Variants in CLVS1 observed in about 807,000 individuals in gnomAD.
The protein encoded by CLVS1 is clavesin-1.
In CLVS1, 10 loss-of-function variants were observed where a neutral mutation model predicts 33.1. The observed-to-expected ratio is 0.30, with a 90% CI of 0.19 to 0.51. The LOEUF is 0.51. Among genes scored for constraint, CLVS1 ranks in the 20% least tolerant of loss-of-function variants. The pLI is 0.97. For synonymous variants in CLVS1, 163 were observed against 166.1 expected, an observed-to-expected ratio of 0.98 and a Z score of 0.14; for missense variants, 343 against 433.4, an observed-to-expected ratio of 0.79 and a Z score of 1.85.
chr8:61,400,727 G>A (rs1260890690), intron 3 of CLVS1, among the ~76,000 whole-genome samples: 1 of 152,126 alleles, frequency 6.6e-6, no homozygotes, highest in Non-Finnish European at 1.5e-5. Context: ...AGTTTATTGA[G>A]AGTTGTTAAC....
chr8:61,197,077 C>T (rs1353234751), intron 2 of CLVS1, among the ~76,000 whole-genome samples: 1 of 152,212 alleles, frequency 6.6e-6, no homozygotes, highest in Non-Finnish European at 1.5e-5. Context: ...TGTCCTCAGG[C>T]ATGAGGCATC....
rs555610859 is a variant in CLVS1, at chr8:61,158,807, A to T, written c.-152+26947A>T. On this transcript the variant is annotated intron_variant, in intron 2 of 2. Coordinates refer to the CLVS1 transcript ENST00000522621. ...GGACATGATATACAGTAATAAAATA[A>T]TTCTCTTTTCTTTTTAAAATGTAGA... 2.0e-5 allele frequency among the ~76,000 whole-genome samples: 3 copies of T among 152,330 alleles called. No homozygotes were observed. The South Asian group carries it at 6.2e-4, about 32-fold the overall frequency.
chr8:61,093,497 C>T (rs1238601867), intron 1 of CLVS1, among the ~76,000 whole-genome samples: 3 of 152,108 alleles, frequency 2.0e-5, no homozygotes, highest in Non-Finnish European at 2.9e-5. Context: ...CAAAAAAACC[C>T]CAAAAGTCAT....
In CLVS1 at chr8:61,101,889, C is replaced by T. The variant is rs540932060; in HGVS notation, c.-242-29881C>T. 6.6e-5 allele frequency among the ~76,000 whole-genome samples: 10 copies of T among 151,406 alleles called. No homozygotes were observed. The East Asian group carries it at 1.9e-3, about 29-fold the overall frequency. On this transcript the variant is annotated intron_variant, in intron 1 of 2. Coordinates refer to the CLVS1 transcript ENST00000522621. ...TTCTTTTATCATTTAGTCTTGAGGT[C>T]CTTGTGAAAAATCAAGTATCATAAA...
chr8:61,106,073 C>T (rs1805532082), intron 1 of CLVS1, among the ~76,000 whole-genome samples: 1 of 152,184 alleles, frequency 6.6e-6, no homozygotes, highest in Non-Finnish European at 1.5e-5. Flanking sequence ...GCCTGACTAC[C>T]CTACTAGACT....
intron 3 of CLVS1, among the ~76,000 whole-genome samples, chr8:61,405,594 C>G (rs910261715): frequency 1.3e-5 from 2 of 152,028 alleles, no homozygotes; most frequent in Non-Finnish European, 2.9e-5. Context: ...AGTAACATAA[C>G]AGGGCCCCTC....
intron 3 of CLVS1, chr8:61,378,421 T>C (rs1217261441): frequency 6.6e-6 from 1 of 152,210 alleles, no homozygotes; most frequent in Non-Finnish European, 1.5e-5. Context: ...TTTTAAAAGG[T>C]AATGCTATAT....
At chr8:61,206,530 A>C in intron 2 of CLVS1, among the ~76,000 whole-genome samples, 1 of 147,518 alleles carries the variant, frequency 6.8e-6, no homozygotes, top group Non-Finnish European at 1.5e-5. Context: ...GCCAGATTAG[A>C]CTCCCTTGTT....
chr8:61,014,106 T>C, the CLVS1 span, among the ~76,000 whole-genome samples: 1 of 128,162 alleles, frequency 7.8e-6, no homozygotes, highest in Non-Finnish European at 1.6e-5. Flanking sequence ...TTTTTTTTTC[T>C]TTCTTGTAAA....
At chr8:61,173,007 G>C (rs1807037417) in intron 2 of CLVS1, among the ~76,000 whole-genome samples, 1 of 152,198 alleles carries the variant, frequency 6.6e-6, no homozygotes, top group African/African-American at 2.4e-5. Context: ...ATTCTGGCTT[G>C]TGTGTCCAGT....
chr8:61,389,917 A>C (rs1472440608), intron 3 of CLVS1, among the ~76,000 whole-genome samples: 1 of 152,232 alleles, frequency 6.6e-6, no homozygotes, highest in African/African-American at 2.4e-5. Flanking sequence ...AGGGTTTACG[A>C]GAGTAAAAAA....
chr8:61,463,775 A>T (rs546177052), intron 5 of CLVS1, among the ~76,000 whole-genome samples: 1 of 152,112 alleles, frequency 6.6e-6, no homozygotes, highest in Admixed American at 6.6e-5. Flanking sequence ...TAAGAATAAT[A>T]AAAAGTTTGG....
At chr8:61,193,611 A>G (rs1005571066) in intron 2 of CLVS1, among the ~76,000 whole-genome samples, 3 of 152,124 alleles carry the variant, frequency 2.0e-5, no homozygotes, top group Non-Finnish European at 4.4e-5. Context: ...TTTTCAGTGT[A>G]CTGTAAGAAA....
At chr8:60,966,612 G>A in the CLVS1 span, 59 of 239,590 alleles carry the variant, frequency 2.5e-4, no homozygotes, top group Admixed American at 3.0e-3. Flanking sequence ...GGGAGTTGGA[G>A]GGAACTTAGG....
chr8:61,250,295 G>A (rs922858356), intron 2 of CLVS1, among the ~76,000 whole-genome samples: 3 of 152,190 alleles, frequency 2.0e-5, no homozygotes, highest in Non-Finnish European at 2.9e-5. Context: ...TTTGGTATCA[G>A]TACCATGCTG....
chr8:61,382,866 T>C (rs978674382), intron 3 of CLVS1, among the ~76,000 whole-genome samples: 60 of 152,306 alleles, frequency 3.9e-4, no homozygotes, highest in African/African-American at 1.4e-3. Flanking sequence ...GGCAAATCAT[T>C]CACTTTCTGG....
chr8:61,144,848 G>A (rs777080709), intron 2 of CLVS1, among the ~76,000 whole-genome samples: 1 of 152,146 alleles, frequency 6.6e-6, no homozygotes, highest in African/African-American at 2.4e-5. Context: ...TTCTGCCCCA[G>A]CCTCCCCAGT....
chr8:61,096,801 C>T (rs1156736730), intron 1 of CLVS1, among the ~76,000 whole-genome samples: 1 of 152,140 alleles, frequency 6.6e-6, no homozygotes, highest in Non-Finnish European at 1.5e-5. Context: ...CAGGGTTTGG[C>T]CCTTTAGCAT....
the CLVS1 span, among the ~76,000 whole-genome samples, chr8:60,972,040 G>A: frequency 2.0e-5 from 3 of 152,156 alleles, no homozygotes; most frequent in African/African-American, 7.2e-5. Flanking sequence ...CTCAACTGGT[G>A]CAGCTGGGAT....
Sources: gnomAD v4.1 joint callset for allele counts (sites outside exome capture counted in the v4.1 genomes callset) on GRCh38, gnomAD v4.1.1 for gene constraint, MANE v1.5 for transcripts, NCBI Gene and HGNC (gene_info 2026-07-23, HGNC 2026-07-21) for gene names.